Variants in ITSN1 observed in about 807,000 individuals in gnomAD.
ITSN1 encodes intersectin-1.
ITSN1 carries 58 observed loss-of-function variants against 239.8 expected under a neutral mutation model. The observed-to-expected ratio is 0.24, with a 90% CI of 0.20 to 0.30. The LOEUF (loss-of-function observed/expected upper bound fraction) is 0.30, where lower values mean the gene tolerates loss of function less well. Among genes scored for constraint, ITSN1 ranks in the 10% least tolerant of loss-of-function variants. ITSN1 has a pLI of 1.00. For missense variants in ITSN1, 1,558 were observed against 2,103.3 expected (o/e 0.74, Z 5.07); for synonymous variants, 780 against 770.8 (o/e 1.01, Z -0.20).
chr21:33,761,153 G>A (rs2068291702), intron 8 of ITSN1, among the ~76,000 whole-genome samples: 1 of 151,622 alleles, frequency 6.6e-6, no homozygotes, highest in Non-Finnish European at 1.5e-5. Context: ...TTGGCTCACT[G>A]CAGCCTCCGC....
At chr21:33,861,971 A>AT (rs1470850170) in intron 31 of ITSN1, among the ~76,000 whole-genome samples, 3 of 144,658 alleles carry the variant, frequency 2.1e-5, no homozygotes, top group Non-Finnish European at 3.0e-5. Context: ...AAATAAATAA[A>AT]AAAGAAACGT....
At chr21:33,705,287 T>G (rs190020072) in intron 1 of ITSN1, among the ~76,000 whole-genome samples, 59 of 152,294 alleles carry the variant, frequency 3.9e-4, no homozygotes, top group African/African-American at 1.4e-3. Flanking sequence ...TATTTTTAAG[T>G]AAGCTCTAAA....
chr21:33,811,046 T>G lies in ITSN1; in HGVS notation c.2391T>G (p.Pro797=), dbSNP rs2148188004. The G allele has an allele frequency of 6.2e-7, 1 of 1,614,222 alleles. No individual in the cohort carries two copies. Among genetic ancestry groups the G allele is most frequent in the Non-Finnish European group, 8.5e-7 (1 of 1,180,036 alleles). The change falls in exon 21 of 40, where the codon CCT becomes CCG. Residue 797 remains proline, a synonymous_variant. Coordinates refer to ENST00000381318, the MANE Select transcript of ITSN1 (RefSeq NM_003024.3). ...GELKGKTGWF[P]ANYAEKIPEN... The stretch of plus-strand genomic sequence containing the variant: ...TAAAAGGAAAGACAGGGTGGTTCCC[T>G]GCAAACTATGCAGAGAAAATCCCAG...
At chr21:33,740,220 G>A (rs1363208272) in intron 5 of ITSN1, among the ~76,000 whole-genome samples, 1 of 152,146 alleles carries the variant, frequency 6.6e-6, no homozygotes, top group African/African-American at 2.4e-5. Flanking sequence ...ATGTTAAGGA[G>A]ACAGGGATGA....
chr21:33,741,977 A>G (rs1198780208), intron 5 of ITSN1, among the ~76,000 whole-genome samples: 1 of 152,108 alleles, frequency 6.6e-6, no homozygotes, highest in Non-Finnish European at 1.5e-5. Flanking sequence ...CAACAATGCA[A>G]AAAGACTTAA....
chr21:33,828,082 G>C (rs1298196201), intron 26 of ITSN1, among the ~76,000 whole-genome samples: 1 of 152,216 alleles, frequency 6.6e-6, no homozygotes, highest in Non-Finnish European at 1.5e-5. Flanking sequence ...TGTCATTCCA[G>C]AGGGTCCAGA....
At chr21:33,769,304 C>T (rs2068941052) in intron 11 of ITSN1, among the ~76,000 whole-genome samples, 1 of 152,152 alleles carries the variant, frequency 6.6e-6, no homozygotes, top group African/African-American at 2.4e-5. Context: ...GCATTCATTC[C>T]TTCAACAGCC....
At chr21:33,644,091 A>G (rs774592054) in intron 1 of ITSN1, among the ~76,000 whole-genome samples, 1 of 152,222 alleles carries the variant, frequency 6.6e-6, no homozygotes, top group Non-Finnish European at 1.5e-5. Flanking sequence ...TTATTTTTAG[A>G]TGACTTTAAG....
intron 31 of ITSN1, among the ~76,000 whole-genome samples, chr21:33,863,636 C>G (rs140752884): frequency 6.2e-4 from 95 of 152,236 alleles, no homozygotes; most frequent in South Asian, 3.7e-3. Context: ...TCAAACAAAA[C>G]AAAACAAAAT....
chr21:33,797,619 C>T lies in ITSN1; in HGVS notation c.2182+11C>T. ...CCTGGTCCACTGCAGGTATTAGAAG[C>T]CAAAAATAATTATAGAAAATAAGTC... On this transcript the variant is annotated intron_variant, in intron 18 of 39. Coordinates refer to ENST00000381318, the MANE Select transcript of ITSN1 (RefSeq NM_003024.3). This position sits in a 1 kb window ranked among gnomAD's most constrained non-coding sequence, Gnocchi z 4.9. 1 of 1,605,966 alleles carries T rather than the reference C, an allele frequency of 6.2e-7. No individual in the cohort carries two copies. The highest frequency in any genetic ancestry group is 8.5e-7 in the Non-Finnish European group (1 of 1,174,196).
chr21:33,660,514 C>T (rs1043329812), intron 1 of ITSN1, among the ~76,000 whole-genome samples: 1 of 152,110 alleles, frequency 6.6e-6, no homozygotes, highest in Non-Finnish European at 1.5e-5. Context: ...TGAAAAGTGG[C>T]CTTGTTTTAC....
Position 33,891,484 on chromosome 21 carries a change from T to C in ITSN1, c.*3184T>C, listed in dbSNP as rs1986361197. 6.6e-6 allele frequency: 1 copy of C among 151,870 alleles called. No individual in the cohort carries two copies. The highest frequency in any genetic ancestry group is 6.6e-5 in the Admixed American group (1 of 15,248). The allele number at this position is 151,870 out of a possible 1,614,324, so 9.4% of individuals were successfully genotyped here. A position where few individuals can be genotyped will look rare whatever the true frequency, so the allele number is the denominator to read the frequency against. On this transcript the variant is annotated 3_prime_UTR_variant, in exon 40 of 40. Transcript: ENST00000381318. ...AAAATCCCATCAGACTATGAGTAAA[T>C]TGACCACCCACATTAAGTCTTATCT...
chr21:33,734,271 C>A (rs1413179220), intron 4 of ITSN1, among the ~76,000 whole-genome samples: 1 of 152,090 alleles, frequency 6.6e-6, no homozygotes, highest in African/African-American at 2.4e-5. Flanking sequence ...TTGATCTTAG[C>A]CAAAAGGCCG....
chr21:33,789,786 A>G (rs965336241), intron 16 of ITSN1, among the ~76,000 whole-genome samples: 3 of 152,336 alleles, frequency 2.0e-5, no homozygotes, highest in Admixed American at 6.5e-5. Flanking sequence ...TAGCTTAGCA[A>G]TAGAACAAAC....
intron 16 of ITSN1, among the ~76,000 whole-genome samples, chr21:33,788,176 A>G (rs952180438): frequency 1.3e-5 from 2 of 152,140 alleles, no homozygotes; most frequent in African/African-American, 2.4e-5. Context: ...CTTTCTGGTA[A>G]TGCTTCCCAA....
At chr21:33,831,328 CAG>C (rs929427888) in intron 27 of ITSN1, among the ~76,000 whole-genome samples, 18 of 152,304 alleles carry the variant, frequency 1.2e-4, no homozygotes, top group East Asian at 3.9e-4. Flanking sequence ...CTGCGTAACA[CAG>C]GGGGGCCTCA....
At chr21:33,806,314 A>G (rs1270479221) in intron 20 of ITSN1, among the ~76,000 whole-genome samples, 2 of 152,214 alleles carry the variant, frequency 1.3e-5, no homozygotes, top group African/African-American at 4.8e-5. Context: ...GCACTCCTCA[A>G]CACATCCCAT....
intron 34 of ITSN1, among the ~76,000 whole-genome samples, chr21:33,876,233 TTCTC>T (rs1242004482): frequency 2.6e-4 from 9 of 35,226 alleles, no homozygotes; most frequent in Non-Finnish European, 3.8e-4. Context: ...CTTTCTTTCC[TTCTC>T]TCTCTCTTTC....
intron 12 of ITSN1, among the ~76,000 whole-genome samples, chr21:33,773,063 G>C (rs551719435): frequency 1.3e-5 from 2 of 148,680 alleles, no homozygotes; most frequent in African/African-American, 5.0e-5. Context: ...CTGGAATGCA[G>C]TGGCATGATC....
Sources: gnomAD v4.1 joint callset for allele counts (sites outside exome capture counted in the v4.1 genomes callset) on GRCh38, gnomAD v4.1.1 for gene constraint, Gnocchi (gnomAD v3.1) non-coding constraint, MANE v1.5 for transcripts, NCBI Gene and HGNC (gene_info 2026-07-23, HGNC 2026-07-21) for gene names.